TC2N: variants seen among roughly 807,000 people sequenced by gnomAD.
TC2N encodes the protein tandem C2 domains nuclear protein.
A neutral mutation model predicts 61.9 loss-of-function variants in TC2N; 51 were observed. The ratio of observed to expected loss-of-function variants is 0.82; its 90% confidence interval spans 0.66 to 1.04. The LOEUF (loss-of-function observed/expected upper bound fraction) is 1.04, where lower values mean the gene tolerates loss of function less well. Among genes scored for constraint, TC2N ranks in the 50% least tolerant of loss-of-function variants. The pLI, the probability that TC2N is intolerant of heterozygous loss-of-function variation, is 0.00. For synonymous variants in TC2N, 204 were observed against 192.6 expected, an observed-to-expected ratio of 1.06 and a Z score of -0.49; for missense variants, 556 against 566.7, an observed-to-expected ratio of 0.98 and a Z score of 0.19.
chr14:91,857,348 G>A (rs1888502182), intron 1 of TC2N, among the ~76,000 whole-genome samples: 3 of 152,190 alleles, frequency 2.0e-5, no homozygotes, highest in Admixed American at 6.5e-5. Context: ...GAAATGCAAC[G>A]AGAGGAAAGC....
At chr14:91,815,171 A>G (rs1886953705) in intron 1 of TC2N, among the ~76,000 whole-genome samples, 1 of 151,602 alleles carries the variant, frequency 6.6e-6, no homozygotes, top group African/African-American at 2.4e-5. Flanking sequence ...CACATATAGT[A>G]TAACTAAAAC....
At chr14:91,860,774 A>T (rs1313569105) in intron 1 of TC2N, among the ~76,000 whole-genome samples, 2 of 152,178 alleles carry the variant, frequency 1.3e-5, no homozygotes, top group African/African-American at 2.4e-5. Flanking sequence ...GTCTGTAGTG[A>T]GGGTTGCAGA....
intron 1 of TC2N, among the ~76,000 whole-genome samples, chr14:91,817,900 C>T (rs1438493664): frequency 6.6e-6 from 1 of 151,932 alleles, no homozygotes; most frequent in Non-Finnish European, 1.5e-5. Flanking sequence ...AGTTAAAAAA[C>T]ACATGGATAT....
intron 7 of TC2N, 88 bp from the exon 8 acceptor site, chr14:91,797,989 T>C (rs1885995615): frequency 3.4e-6 from 3 of 887,214 alleles, no homozygotes; most frequent in East Asian, 2.6e-5. Flanking sequence ...TGACTTTAGA[T>C]AAAAACTGCA....
At chr14:91,830,383 G>A (rs910287097) in intron 1 of TC2N, among the ~76,000 whole-genome samples, 2 of 152,098 alleles carry the variant, frequency 1.3e-5, no homozygotes, top group African/African-American at 4.8e-5. Flanking sequence ...AACAAATGAA[G>A]TACTGATTCA....
intron 1 of TC2N, among the ~76,000 whole-genome samples, chr14:91,829,486 G>A (rs1434635191): frequency 6.6e-6 from 1 of 152,042 alleles, no homozygotes; most frequent in Non-Finnish European, 1.5e-5. Context: ...TGAAAGATGA[G>A]TTTTATTACT....
chr14:91,812,236 T>C (rs1886801083), intron 3 of TC2N, 76 bp downstream of exon 3: 1 of 741,880 alleles, frequency 1.3e-6, no homozygotes, highest in East Asian at 3.2e-5. Context: ...GAATTTTGTA[T>C]TAAAAATATA....
intron 1 of TC2N, among the ~76,000 whole-genome samples, chr14:91,863,985 C>T (rs1888645390): frequency 6.6e-6 from 1 of 151,660 alleles, no homozygotes; most frequent in Non-Finnish European, 1.5e-5. Flanking sequence ...GAGCCAGACC[C>T]TGGCAAAAAA....
chr14:91,858,823 T>C (rs1039810897), intron 1 of TC2N, among the ~76,000 whole-genome samples: 2 of 152,184 alleles, frequency 1.3e-5, no homozygotes, highest in African/African-American at 4.8e-5. Context: ...AGCGTGGTTA[T>C]GCAGATCAAA....
rs1028609733 is a variant in TC2N, at chr14:91,826,269, G to A, written c.-56-12444C>T. ...CAAGAAGTGGAGGCTGTGGGAAGCC[G>A]TGATCGCATCACTGCACTACAGCCT... On this transcript the variant is annotated intron_variant, in intron 1 of 11. Coordinates refer to ENST00000435962, the MANE Select transcript of TC2N (RefSeq NM_001128596.3). 3.4e-5 allele frequency among the ~76,000 whole-genome samples: 5 copies of A among 147,974 alleles called. No individual in the cohort carries two copies. The Admixed American group carries it at 3.4e-4, about 10-fold the overall frequency.
chr14:91,809,063 G>A (rs1260469963), intron 3 of TC2N, among the ~76,000 whole-genome samples: 1 of 152,140 alleles, frequency 6.6e-6, no homozygotes, highest in African/African-American at 2.4e-5. Flanking sequence ...CTATTGATAT[G>A]CGCAAAGTAA....
rs1407389110 is a variant in TC2N, at chr14:91,780,323, T to C, written c.*2777A>G. ...GTTTATACCTGGCTGTTGAGTACAT[T>C]AGTATCAGAGAAATTCATGTAACTA... is the stretch of plus-strand genomic sequence containing the variant. On this transcript the variant is annotated 3_prime_UTR_variant, in exon 12 of 12. Transcript: ENST00000435962. 2 of 152,216 alleles carry C rather than the reference T, an allele frequency of 1.3e-5. No homozygotes were observed. The highest frequency in any genetic ancestry group is 3.8e-4 in the East Asian group (2 of 5,202). 9.4% of individuals were successfully genotyped at this position (152,216 alleles called of 1,614,324 possible). A position where few individuals can be genotyped will look rare whatever the true frequency, so the allele number is the denominator to read the frequency against.
intron 6 of TC2N, 41 bp from the exon 7 acceptor site, chr14:91,798,440 A>C: frequency 9.2e-7 from 1 of 1,092,116 alleles, no homozygotes. Context: ...ATGCCATGCA[A>C]TCCTTCTAAC....
intron 1 of TC2N, among the ~76,000 whole-genome samples, chr14:91,836,023 C>T (rs1887984738): frequency 1.3e-5 from 2 of 152,166 alleles, no homozygotes; most frequent in Admixed American, 1.3e-4. Context: ...ACCCCTGGTG[C>T]CCTCCAGACC....
At chr14:91,849,822 T>G (rs1033830927) in intron 1 of TC2N, among the ~76,000 whole-genome samples, 1 of 152,020 alleles carries the variant, frequency 6.6e-6, no homozygotes, top group Non-Finnish European at 1.5e-5. Context: ...CCAAGATGGG[T>G]GGATCACCGG....
chr14:91,864,475 G>A (rs2052204), intron 1 of TC2N, among the ~76,000 whole-genome samples: 62,181 of 151,964 alleles, frequency 0.41, 13,574 homozygotes, highest in African/African-American at 0.57. Context: ...TGGTTCATAC[G>A]TTAAAACTCC....
chr14:91,800,084 C>CTA (rs1886144069), intron 5 of TC2N, among the ~76,000 whole-genome samples, 197 bp downstream of exon 5: 1 of 151,986 alleles, frequency 6.6e-6, no homozygotes, highest in Admixed American at 6.6e-5. Flanking sequence ...AAAAGAAAAA[C>CTA]TACTGCCTTT....
chr14:91,849,161 A>G (rs1888325123), intron 1 of TC2N, among the ~76,000 whole-genome samples: 1 of 152,204 alleles, frequency 6.6e-6, no homozygotes, highest in East Asian at 1.9e-4. Context: ...TAGTCTCATC[A>G]TGAGGACCAC....
intron 1 of TC2N, among the ~76,000 whole-genome samples, chr14:91,839,575 G>A (rs1888126350): frequency 6.6e-6 from 1 of 152,190 alleles, no homozygotes; most frequent in Non-Finnish European, 1.5e-5. Flanking sequence ...GATATAGAAG[G>A]CACTCAACAG....
Sources: gnomAD v4.1 joint callset for allele counts (sites outside exome capture counted in the v4.1 genomes callset) on GRCh38, gnomAD v4.1.1 for gene constraint, MANE v1.5 for transcripts, NCBI Gene and HGNC (gene_info 2026-07-23, HGNC 2026-07-21) for gene names.